Variants in FAAH2 observed in about 807,000 individuals in gnomAD.
The protein encoded by FAAH2 is fatty-acid amide hydrolase 2.
Under a neutral mutation model 36.9 loss-of-function variants are expected in FAAH2, and 60 were observed. The ratio of observed to expected loss-of-function variants is 1.63; its 90% CI spans 1.32 to 2.02. The LOEUF (loss-of-function observed/expected upper bound fraction) is 2.02, where lower values mean the gene tolerates loss of function less well. FAAH2 is among the 30% of genes most tolerant of loss of function. FAAH2 has a pLI of 0.00. For missense variants in FAAH2, 689 were observed against 397.5 expected (o/e 1.73, Z -6.23); for synonymous variants, 214 against 143.8 (o/e 1.49, Z -3.49).
At chrX:57,219,030 C>T in the FAAH2 span, among the ~76,000 whole-genome samples, 6 of 111,657 alleles carry the variant, frequency 5.4e-5, no homozygotes, top group African/African-American at 9.8e-5. Context: ...GCAGTGTGTG[C>T]GGCAGCATGC....
chrX:57,136,198 C>T, the FAAH2 span: 1 of 1,211,077 alleles, frequency 8.3e-7, no homozygotes, highest in Non-Finnish European at 1.1e-6. Context: ...AACATGTGTT[C>T]CACTGCTTTG....
At chrX:57,394,039 G>T in intron 7 of FAAH2, 2 of 754,565 alleles carry the variant, frequency 2.7e-6, no homozygotes, top group Non-Finnish European at 4.2e-6. Context: ...TGTCTGTCTG[G>T]GTCAGTTCAT....
chrX:57,408,298 C>T (rs1297545987), intron 7 of FAAH2, among the ~76,000 whole-genome samples: 1 of 110,548 alleles, frequency 9.0e-6, no homozygotes, highest in Non-Finnish European at 1.9e-5. Flanking sequence ...CATGGAATAT[C>T]TTTCCATTCT....
At chrX:57,417,090 G>A (rs900745694) in intron 7 of FAAH2, among the ~76,000 whole-genome samples, 2 of 111,776 alleles carry the variant, frequency 1.8e-5, no homozygotes, top group Admixed American at 1.9e-4. Context: ...GATCATTTAT[G>A]TTCTTCTCTA....
chrX:57,478,708 C>T (rs1228508466), intron 10 of FAAH2, among the ~76,000 whole-genome samples: 1 of 111,699 alleles, frequency 9.0e-6, no homozygotes, highest in Non-Finnish European at 1.9e-5. Flanking sequence ...CTACATATGG[C>T]TAGCCAGTTT....
chrX:57,310,551 G>T (rs776643224), intron 2 of FAAH2, 42 bp from the exon 3 acceptor site: 4 of 1,166,647 alleles, frequency 3.4e-6, no homozygotes, highest in Admixed American at 2.6e-5. Flanking sequence ...TTGGTTGGAT[G>T]ACTTGTTTAG....
chrX:57,352,880 G>T (rs1482903889), intron 5 of FAAH2, among the ~76,000 whole-genome samples: 12 of 110,337 alleles, frequency 1.1e-4, no homozygotes, highest in Admixed American at 9.7e-5. Context: ...CAAAATACCT[G>T]CTTATAAATT....
At chrX:57,247,412 G>A in the FAAH2 span, among the ~76,000 whole-genome samples, 2 of 111,606 alleles carry the variant, frequency 1.8e-5, no homozygotes, top group South Asian at 3.8e-4. Flanking sequence ...TGAAGGAAGA[G>A]GGGTAGTGTA....
intron 5 of FAAH2, among the ~76,000 whole-genome samples, chrX:57,354,140 A>G (rs371124110): frequency 9.0e-6 from 1 of 111,102 alleles, no homozygotes; most frequent in Non-Finnish European, 1.9e-5. Flanking sequence ...CTGCACTTGT[A>G]TGTTTATACA....
rs191775495 is a variant in FAAH2, at chrX:57,328,187, C to T, written c.413-3411C>T. Among the ~76,000 whole-genome samples the T allele has an allele frequency of 4.6e-3, 511 of 111,464 alleles. 3 individuals carry two copies. Among genetic ancestry groups the T allele is most frequent in the African/African-American group, 0.016 (484 of 30,674 alleles). Reference sequence around the variant, plus strand: ...TGAACAGCAAATGTTGCTGCCTGATCGTTCCTCCGGAAGTTTTGTCTCAGA... The same window carrying T: ...TGAACAGCAAATGTTGCTGCCTGATTGTTCCTCCGGAAGTTTTGTCTCAGA... On this transcript the variant is annotated intron_variant, in intron 3 of 10. Coordinates refer to ENST00000374900, the MANE Select transcript of FAAH2 (RefSeq NM_174912.4).
chrX:57,425,576 GA>G (rs961905656), intron 7 of FAAH2, among the ~76,000 whole-genome samples: 16 of 111,241 alleles, frequency 1.4e-4, no homozygotes, highest in African/African-American at 4.6e-4. Context: ...AGTTCTTCAT[GA>G]AAAAAACACT....
intron 10 of FAAH2, among the ~76,000 whole-genome samples, chrX:57,474,453 G>A (rs1217929242): frequency 1.8e-5 from 2 of 111,029 alleles, no homozygotes; most frequent in Non-Finnish European, 3.8e-5. Flanking sequence ...GTGAGAACAT[G>A]TGGTATTTGG....
the FAAH2 span, among the ~76,000 whole-genome samples, chrX:57,246,569 C>A: frequency 2.7e-5 from 3 of 111,812 alleles, no homozygotes; most frequent in South Asian, 3.7e-4. Flanking sequence ...GTACAACATA[C>A]CTGAATCAAT....
the FAAH2 span, among the ~76,000 whole-genome samples, chrX:57,212,982 G>A: frequency 9.0e-6 from 1 of 111,395 alleles, no homozygotes; most frequent in African/African-American, 3.3e-5. Flanking sequence ...TTGTTTTGGG[G>A]AGGGGTTGTT....
In FAAH2 at chrX:57,420,472, C is replaced by T. The variant is rs769657135; in HGVS notation, c.997-11446C>T. ...GTTGGATTCCTAGGTATTTTATTCT[C>T]TTTGAAGTAATTGTGAATGGGTGTT... On this transcript the variant is annotated intron_variant, in intron 7 of 10. Transcript: ENST00000374900. Among the ~76,000 whole-genome samples, 4 of 111,703 alleles carry T rather than the reference C, an allele frequency of 3.6e-5. No homozygotes were observed. In the East Asian group the frequency reaches 1.1e-3, roughly 31 times the overall value.
intron 10 of FAAH2, among the ~76,000 whole-genome samples, chrX:57,467,848 C>T (rs112918002): frequency 0.027 from 3,032 of 111,812 alleles, 96 homozygotes; most frequent in African/African-American, 0.094. Flanking sequence ...AGACACCCCC[C>T]AGTAGGGGCA....
chrX:57,186,977 A>G, the FAAH2 span, among the ~76,000 whole-genome samples: 1 of 111,655 alleles, frequency 9.0e-6, no homozygotes, highest in African/African-American at 3.3e-5. Flanking sequence ...CTTGTAGTAT[A>G]GTTTGAAGTA....
chrX:57,262,575 C>G, the FAAH2 span, among the ~76,000 whole-genome samples: 1 of 111,390 alleles, frequency 9.0e-6, no homozygotes, highest in East Asian at 2.8e-4. Context: ...ATTCAAGTCT[C>G]TTTCAGAAAA....
chrX:57,127,513 A>G, the FAAH2 span, among the ~76,000 whole-genome samples: 2 of 111,469 alleles, frequency 1.8e-5, no homozygotes, highest in Non-Finnish European at 1.9e-5. Context: ...TATACTTTAG[A>G]TTTCTTTGTC....
Sources: allele counts gnomAD v4.1 joint callset (sites outside exome capture counted in the v4.1 genomes callset), GRCh38; gene constraint gnomAD v4.1.1; transcripts MANE v1.5; gene names NCBI Gene and HGNC (gene_info 2026-07-23, HGNC 2026-07-21).